The following GTF2F1 variants were observed in gnomAD, a reference collection of about 807,000 sequenced individuals.
The protein encoded by GTF2F1 is general transcription factor IIF subunit 1.
Under a neutral mutation model 63.5 loss-of-function variants are expected in GTF2F1, and 39 were observed. That is an observed-to-expected ratio of 0.61 (90% CI 0.48 to 0.80). The LOEUF (loss-of-function observed/expected upper bound fraction) is 0.80. Ranked by LOEUF, GTF2F1 falls within the 30% of genes least tolerant of loss-of-function variation. GTF2F1 has a pLI of 0.00. For missense variants in GTF2F1, 657 were observed against 718.3 expected (o/e 0.91, Z 0.97); for synonymous variants, 287 against 285.3 (o/e 1.01, Z -0.06).
At chr19:6,392,815 T>C (rs1247642103) in intron 2 of GTF2F1, 42 bp downstream of exon 2, 27 of 1,580,466 alleles carry the variant, frequency 1.7e-5, no homozygotes, top group Non-Finnish European at 2.1e-5. Context: ...GTTTTCATTT[T>C]TGGGGGGTGG....
At chr19:6,382,906 A>G (rs886749026) in intron 6 of GTF2F1, among the ~76,000 whole-genome samples, 2 of 150,840 alleles carry the variant, frequency 1.3e-5, no homozygotes, top group African/African-American at 4.9e-5. Context: ...CCTGACTCTC[A>G]TTCTTTTTTC....
chr19:6,389,681 C>T (rs769595309), intron 3 of GTF2F1, 44 bp from the exon 4 acceptor site: 4 of 1,572,310 alleles, frequency 2.5e-6, no homozygotes, highest in South Asian at 2.2e-5. Context: ...CCTGGCTTTG[C>T]TTGCGCAGTG....
At position 6,392,892 on chromosome 19, in the gene GTF2F1, G is replaced by A. The variant is rs2092006546; in HGVS notation, c.24C>T (p.Ser8=). The change falls in exon 2 of 13, where the codon AGC becomes AGT. Residue 8 remains serine (S), a synonymous_variant. Coordinates refer to ENST00000394456, the MANE Select transcript of GTF2F1 (RefSeq NM_002096.3). The stretch of plus-strand genomic sequence containing the variant: ...GAACGACGTATTCAGTGACATTCTG[G>A]CTGCTAGGGCCCTGCGGAAAGAGGA... The part of the protein sequence containing the change: MAALGPS[S]QNVTEYVVRV... The A allele has an allele frequency of 6.2e-7, 1 of 1,614,018 alleles. No individual in the cohort carries two copies. Among genetic ancestry groups the A allele is most frequent in the African/African-American group, 1.3e-5 (1 of 74,922 alleles).
Position 6,381,787 on chromosome 19 carries a change from T to C in GTF2F1, c.746A>G (p.Lys249Arg). ...PLAKGGRKKK[K>R]KKGSDDEAFE... The stretch of plus-strand genomic sequence containing the variant: ...GGCCTCGTCGTCTGAACCCTTCTTC[T>C]TCTTCTTTTTCCTGCCGCCCTTGGC... Residue 249 changes from lysine to arginine, a missense_variant, in exon 7 of 13, where the codon AAG (lysine) becomes AGG (arginine). Physicochemically the swap from Lys to Arg is conservative, Grantham distance 26. Around this residue, in one of 2 missense-constraint regions of GTF2F1, gnomAD observed 602 missense variants for 625.6 expected, o/e 0.96. Transcript: ENST00000394456. The surrounding 1 kb of genome is among the most constrained non-coding windows in gnomAD (Gnocchi z 4.1). 2 of 1,614,086 alleles carry C rather than the reference T, an allele frequency of 1.2e-6. No homozygotes were observed. The highest frequency in any genetic ancestry group is 1.3e-5 in the African/African-American group (1 of 75,050).
chr19:6,391,925 CTT>C lies in GTF2F1; in HGVS notation c.107_108del (p.Lys36SerfsTer34), dbSNP rs1568332586. ...ACCTGATTCCACGTAGCAAAGTTGA[CTT>C]TGTCGGCTGCATTAAAAGCCATGAT... ...YNIMAFNAAD[K>X]VNFATWNQAR... On this transcript the variant is annotated frameshift_variant, in exon 3 of 13. Coordinates refer to ENST00000394456, the MANE Select transcript of GTF2F1 (RefSeq NM_002096.3). LOFTEE classifies it high-confidence loss of function. The C allele has an allele frequency of 1.9e-6, 3 of 1,583,982 alleles. No individual in the cohort carries two copies. The Admixed American group carries it at 5.4e-5, about 29-fold the overall frequency.
intron 6 of GTF2F1, among the ~76,000 whole-genome samples, chr19:6,382,119 C>T (rs1390894983): frequency 2.6e-5 from 4 of 152,138 alleles, no homozygotes; most frequent in African/African-American, 7.2e-5. Context: ...AGGGACACAG[C>T]CCCTACAGCC....
chr19:6,388,896 C>T (rs536460895), intron 4 of GTF2F1, among the ~76,000 whole-genome samples: 4 of 152,228 alleles, frequency 2.6e-5, no homozygotes, highest in African/African-American at 7.2e-5. Flanking sequence ...CAGTGAGCTA[C>T]GATCGCACCA....
chr19:6,392,130 G>C (rs961921638), intron 2 of GTF2F1, 156 bp from the exon 3 acceptor site: 2 of 675,840 alleles, frequency 3.0e-6, no homozygotes, highest in Non-Finnish European at 5.5e-6. Flanking sequence ...CAATTCAATT[G>C]AACCATTAAT....
At position 6,380,934 on chromosome 19, in the gene GTF2F1, G is replaced by A. The variant is rs1464542600; in HGVS notation, c.1201C>T (p.Leu401=). 5 of 1,581,210 alleles carry A rather than the reference G, an allele frequency of 3.2e-6. No homozygotes were observed. In the African/African-American group the frequency reaches 4.0e-5, roughly 13 times the overall value. ...SAEGGSTSST[L]RAAASKLEQG... is the part of the protein sequence containing the mutation. Reference sequence around the variant, plus strand: ...TCGAGTTTGCTGGCAGCCGCCCGCAGGGTGGAGGAGGTGCTGCCACCCTCT... The same window carrying A: ...TCGAGTTTGCTGGCAGCCGCCCGCAAGGTGGAGGAGGTGCTGCCACCCTCT... The change falls in exon 11 of 13, where the codon CTG becomes TTG. Residue 401 remains leucine (L), a synonymous_variant. Transcript: ENST00000394456. This position sits in a 1 kb window ranked among gnomAD's most constrained non-coding sequence, Gnocchi z 5.3.
chr19:6,385,699 C>T (rs549011355), intron 5 of GTF2F1, among the ~76,000 whole-genome samples: 24 of 152,184 alleles, frequency 1.6e-4, no homozygotes, highest in Non-Finnish European at 2.9e-4. Flanking sequence ...GTGGGGAGGA[C>T]GCTCTGACTT....
intron 5 of GTF2F1, 81 bp downstream of exon 5, chr19:6,387,308 G>A (rs1235597427): frequency 6.7e-5 from 93 of 1,382,618 alleles, no homozygotes; most frequent in Non-Finnish European, 8.9e-5. Context: ...CCAGCTCCCA[G>A]CACAGGGCCT....
chr19:6,391,867 C>A, intron 3 of GTF2F1, 35 bp downstream of exon 3: 1 of 1,241,940 alleles, frequency 8.1e-7, no homozygotes, highest in Middle Eastern at 1.9e-4. Context: ...TCTCTCACCA[C>A]CCCAGCCCCT....
Position 6,389,475 on chromosome 19 carries a change from G to C in GTF2F1, c.295C>G (p.Leu99Val), listed in dbSNP as rs748342089. 18 of 1,613,992 alleles carry C rather than the reference G, an allele frequency of 1.1e-5. No homozygotes were observed. The highest frequency in any genetic ancestry group is 1.6e-4 in the Middle Eastern group (1 of 6,082). Residue 99 changes from leucine (L) to valine (V), a missense_variant, in exon 4 of 13, where the codon CTG becomes GTG. Physicochemically the swap from Leu to Val is conservative, Grantham distance 32. Transcript: ENST00000394456. ...CCTGATTTGCCGTTGACCCGGAGCA[G>C]CCAGGGCTGGTCCTCGGGCCGGAAC... ...KEFRPEDQPW[L>V]LRVNGKSGRK...
chr19:6,392,268 T>C (rs950755668), intron 2 of GTF2F1: 1 of 504,970 alleles, frequency 2.0e-6, no homozygotes, highest in South Asian at 1.5e-5. Flanking sequence ...ATTCCCAGTC[T>C]GCCAGAGAAG....
intron 5 of GTF2F1, among the ~76,000 whole-genome samples, chr19:6,385,256 G>A (rs1452682942): frequency 1.3e-5 from 2 of 151,758 alleles, no homozygotes; most frequent in Admixed American, 6.6e-5. Context: ...TTAGCCAGGT[G>A]GGGAGGTGCA....
At chr19:6,387,965 T>G (rs2091980294) in intron 4 of GTF2F1, among the ~76,000 whole-genome samples, 1 of 149,974 alleles carries the variant, frequency 6.7e-6, no homozygotes, top group African/African-American at 2.4e-5. Context: ...AGTCTCGCTC[T>G]GGCACCCAGG....
At chr19:6,387,613 C>T (rs555842772) in intron 4 of GTF2F1, 54 bp from the exon 5 acceptor site, 16 of 1,442,750 alleles carry the variant, frequency 1.1e-5, no homozygotes, top group African/African-American at 5.5e-5. Flanking sequence ...CCAGCCCCCC[C>T]GTGTCCCCCC....
rs1350314395 is a variant in GTF2F1, at chr19:6,381,716, A to G, written c.817T>C (p.Tyr273His). ...DGDFEGQEVD[Y>H]MSDGSSSSQE... ...CCTCACCTGGAGCCGTCTGACATGTAGTCCACCTCTTGGCCCTCGAAGTCC... is the reference window on the plus strand; with the variant it reads ...CCTCACCTGGAGCCGTCTGACATGTGGTCCACCTCTTGGCCCTCGAAGTCC... Residue 273 changes from tyrosine (Y) to histidine (H), a missense_variant, in exon 7 of 13, where the codon TAC (tyrosine) becomes CAC (histidine). Around this residue, in one of 2 missense-constraint regions of GTF2F1, gnomAD observed 602 missense variants for 625.6 expected, o/e 0.96. Coordinates refer to ENST00000394456, the MANE Select transcript of GTF2F1 (RefSeq NM_002096.3). The surrounding 1 kb of genome is among the most constrained non-coding windows in gnomAD (Gnocchi z 4.1). 1.2e-6 allele frequency: 2 copies of G among 1,614,070 alleles called. No homozygotes were observed. Among genetic ancestry groups the G allele is most frequent in the African/African-American group, 2.7e-5 (2 of 74,938 alleles).
chr19:6,387,193 C>A, intron 5 of GTF2F1, 196 bp downstream of exon 5: 1 of 427,852 alleles, frequency 2.3e-6, no homozygotes, highest in Non-Finnish European at 3.8e-6. Flanking sequence ...CTGGCAGCAC[C>A]CTCTGGGGTG....
Sources: allele counts gnomAD v4.1 joint callset (sites outside exome capture counted in the v4.1 genomes callset), GRCh38; gene constraint gnomAD v4.1.1; regional missense constraint gnomAD v4.1.1; non-coding constraint Gnocchi (gnomAD v3.1); transcripts MANE v1.5; gene names NCBI Gene and HGNC (gene_info 2026-07-23, HGNC 2026-07-21).